Variants in CROCC2 observed in about 807,000 individuals in gnomAD.
CROCC2 encodes ciliary rootlet coiled-coil protein 2.
A neutral mutation model predicts 177.6 loss-of-function variants in CROCC2; 163 were observed. That is an observed-to-expected ratio of 0.92 (90% CI 0.81 to 1.05). CROCC2 has a LOEUF of 1.05. Among genes scored for constraint, CROCC2 ranks in the 50% least tolerant of loss-of-function variants. The probability of loss-of-function intolerance (pLI) is 0.00; values close to 1 mark genes in which losing one functional copy is unlikely to be tolerated. For synonymous variants in CROCC2, 904 were observed against 787.3 expected (o/e 1.15, Z -2.48); for missense variants, 1,929 against 1,797.8 (o/e 1.07, Z -1.32).
rs1441835196 is a variant in CROCC2 at position 240,975,768 on chromosome 2, T to C, written c.4402-7112T>C. Among the ~76,000 whole-genome samples, 5 of 141,588 alleles carry C rather than the reference T, an allele frequency of 3.5e-5. No homozygotes were observed. In the Admixed American group the frequency reaches 3.9e-4, roughly 11 times the overall value. The allele number at this position is 141,588 out of a possible 152,430, so 92.9% of individuals were successfully genotyped here. On this transcript the variant is annotated intron_variant, in intron 27 of 31. Coordinates refer to ENST00000690015, the MANE Select transcript of CROCC2 (RefSeq NM_001351305.2). ...TTTTGAGACAGAGTTTTGCTCTCGT[T>C]GCCCAGGCTGGAGTGCAGTGGCACG...
chr2:240,969,282 C>G (rs1249975934), intron 27 of CROCC2, among the ~76,000 whole-genome samples: 2 of 152,226 alleles, frequency 1.3e-5, no homozygotes, highest in Non-Finnish European at 2.9e-5. Flanking sequence ...AGCCCCGGAG[C>G]CTGGTGGCCC....
Position 240,963,735 on chromosome 2 carries a change from G to T in CROCC2, c.3267G>T (p.Leu1089=), listed in dbSNP as rs1440691757. 2 of 1,550,032 alleles carry T rather than the reference G, an allele frequency of 1.3e-6. No homozygotes were observed. The highest frequency in any genetic ancestry group is 2.0e-5 in the Admixed American group (1 of 50,984). The change falls in exon 21 of 32, where the codon CTG becomes CTT. Residue 1089 remains leucine, a synonymous_variant. Transcript: ENST00000690015. Reference sequence around the variant, plus strand: ...TACTGTTGCTTTTCAACAGCGAGCTGCGGGCCACCATCTGCAGGGCCGAAC... The same window carrying T: ...TACTGTTGCTTTTCAACAGCGAGCTTCGGGCCACCATCTGCAGGGCCGAAC... ...KDVLLLFNSE[L]RATICRAEQE...
chr2:240,942,123 A>G (rs2059498405), intron 14 of CROCC2, among the ~76,000 whole-genome samples: 1 of 152,242 alleles, frequency 6.6e-6, no homozygotes, highest in Admixed American at 6.5e-5. Context: ...TCTGTTCTTT[A>G]TAAATTACCC....
Position 240,958,873 on chromosome 2 carries a change from G to A in CROCC2, c.2944-428G>A, listed in dbSNP as rs1365051609. 4.6e-5 allele frequency among the ~76,000 whole-genome samples: 7 copies of A among 152,264 alleles called. No individual in the cohort carries two copies. The highest frequency in any genetic ancestry group is 3.4e-3 in the Middle Eastern group (1 of 294). The stretch of plus-strand genomic sequence containing the variant: ...GGCTGAGCCTGGGGCCTCCTGGCCC[G>A]AGGATCCCTGCTGGCCACACTGCCC... On this transcript the variant is annotated intron_variant, in intron 19 of 31. Coordinates refer to ENST00000690015, the MANE Select transcript of CROCC2 (RefSeq NM_001351305.2). The surrounding 1 kb of genome is among the most constrained non-coding windows in gnomAD (Gnocchi z 6.7).
intron 14 of CROCC2, among the ~76,000 whole-genome samples, chr2:240,943,679 C>T (rs908880179): frequency 6.6e-6 from 1 of 151,942 alleles, no homozygotes; most frequent in Non-Finnish European, 1.5e-5. Flanking sequence ...GGGGTTTCGC[C>T]ATGTTGGCCA....
intron 21 of CROCC2, 23 bp from the exon 22 acceptor site, chr2:240,964,443 C>G: frequency 6.5e-7 from 1 of 1,548,210 alleles, no homozygotes; most frequent in Middle Eastern, 2.3e-4. Flanking sequence ...TGCGGGGGCC[C>G]CAGCCTGTGG....
In CROCC2 at chr2:240,973,674, G is replaced by A. The variant is rs1443507024; in HGVS notation, c.4401+5412G>A. On this transcript the variant is annotated intron_variant, in intron 27 of 31. Coordinates refer to ENST00000690015, the MANE Select transcript of CROCC2 (RefSeq NM_001351305.2). The surrounding 1 kb of genome is among the most constrained non-coding windows in gnomAD (Gnocchi z 4.7). ...ACATATGCCCACAGCTAGCAGAGCA[G>A]CTTAGGGCCAGCGGGGCCCACAAGG... 6.6e-6 allele frequency among the ~76,000 whole-genome samples: 1 copy of A among 152,240 alleles called. No individual in the cohort carries two copies. The highest frequency in any genetic ancestry group is 2.4e-5 in the African/African-American group (1 of 41,450).
intron 5 of CROCC2, among the ~76,000 whole-genome samples, chr2:240,926,099 G>T (rs546511754): frequency 5.8e-4 from 89 of 152,322 alleles, no homozygotes; most frequent in African/African-American, 2.0e-3. Context: ...CCCCCACCCG[G>T]AGAAGGAGGG....
At chr2:240,980,201 G>T (rs1559190500) in intron 27 of CROCC2, among the ~76,000 whole-genome samples, 1 of 39,758 alleles carries the variant, frequency 2.5e-5, no homozygotes, top group Non-Finnish European at 4.0e-5. Context: ...CCCTGCTCAA[G>T]CTCTGGGGTA....
Position 240,906,349 on chromosome 2 carries a change from C to A in CROCC2, c.-165C>A. ...GCTCAGCTGGCCATACTGTCTTACC[C>A]ACAGGGCAAGAGCAACTGGGTGCCC... On this transcript the variant is annotated 5_prime_UTR_variant, in exon 1 of 32. Coordinates refer to ENST00000690015, the MANE Select transcript of CROCC2 (RefSeq NM_001351305.2). 2.5e-6 allele frequency: 1 copy of A among 396,986 alleles called. No homozygotes were observed. Among genetic ancestry groups the A allele is most frequent in the Non-Finnish European group, 4.4e-6 (1 of 225,418 alleles). The allele number at this position is 396,986 out of a possible 1,614,324, so 24.6% of individuals were successfully genotyped here.
intron 1 of CROCC2, among the ~76,000 whole-genome samples, chr2:240,909,843 G>C (rs2059276422): frequency 6.6e-6 from 1 of 152,134 alleles, no homozygotes; most frequent in Admixed American, 6.5e-5. Context: ...CAGATCAGCT[G>C]TCCAGATGGG....
At chr2:240,911,026 G>C (rs1281132870) in intron 1 of CROCC2, among the ~76,000 whole-genome samples, 1 of 152,100 alleles carries the variant, frequency 6.6e-6, no homozygotes, top group African/African-American at 2.4e-5. Flanking sequence ...AGCTACTCAG[G>C]AGGCTGAGGC....
intron 20 of CROCC2, among the ~76,000 whole-genome samples, chr2:240,962,830 G>T (rs775121544): frequency 2.0e-5 from 3 of 152,192 alleles, no homozygotes; most frequent in Non-Finnish European, 4.4e-5. Context: ...CCCCCAGAGC[G>T]TAGGTGCTGG....
Position 240,949,111 on chromosome 2 carries a change from G to A in CROCC2, c.2482+14G>A, listed in dbSNP as rs942216985. 16 of 1,506,748 alleles carry A rather than the reference G, an allele frequency of 1.1e-5. No individual in the cohort carries two copies. Among genetic ancestry groups the A allele is most frequent in the South Asian group, 3.9e-5 (3 of 76,640 alleles). 93.3% of individuals were successfully genotyped at this position (1,506,748 alleles called of 1,614,324 possible). A position where few individuals can be genotyped will look rare whatever the true frequency, so the allele number is the denominator to read the frequency against. On this transcript the variant is annotated intron_variant, in intron 16 of 31. Transcript: ENST00000690015. This position sits in a 1 kb window ranked among gnomAD's most constrained non-coding sequence, Gnocchi z 4.5. Reference sequence around the variant, plus strand: ...AGGCCTTGCAAGGTGCTCCAAGGGCGCTCCCTCAGCTCCTTCCCCGAAAGT... The same window carrying A: ...AGGCCTTGCAAGGTGCTCCAAGGGCACTCCCTCAGCTCCTTCCCCGAAAGT...
intron 19 of CROCC2, 92 bp from the exon 20 acceptor site, chr2:240,959,209 A>G: frequency 7.1e-7 from 1 of 1,404,830 alleles, no homozygotes; most frequent in African/African-American, 1.5e-5. Context: ...AGGCCACTGC[A>G]ACACCTCTCT....
At chr2:240,935,146 C>T (rs2059459899) in intron 13 of CROCC2, 84 bp downstream of exon 13, 1 of 1,303,626 alleles carries the variant, frequency 7.7e-7, no homozygotes, top group African/African-American at 1.5e-5. Context: ...GCCTTCTTTC[C>T]ATCCTCCCAG....
At position 240,972,259 on chromosome 2, in the gene CROCC2, C is replaced by T. The variant is rs555271313; in HGVS notation, c.4401+3997C>T. 1.3e-5 allele frequency among the ~76,000 whole-genome samples: 2 copies of T among 152,320 alleles called. No individual in the cohort carries two copies. The highest frequency in any genetic ancestry group is 1.9e-4 in the East Asian group (1 of 5,182). On this transcript the variant is annotated intron_variant, in intron 27 of 31. Coordinates refer to ENST00000690015, the MANE Select transcript of CROCC2 (RefSeq NM_001351305.2). This position sits in a 1 kb window ranked among gnomAD's most constrained non-coding sequence, Gnocchi z 7.1. ...CAAAAGAAAGGCAGAGAGAAGGGTT[C>T]CAAGATCCTGCAGCCACAGGGAGCC...
chr2:240,930,138 A>G, intron 5 of CROCC2, 28 bp from the exon 6 acceptor site: 1 of 539,954 alleles, frequency 1.9e-6, no homozygotes, highest in Non-Finnish European at 3.4e-6. Context: ...CCCCAGCCTG[A>G]AGTAGACAGG....
intron 1 of CROCC2, among the ~76,000 whole-genome samples, chr2:240,911,090 C>T (rs1307084243): frequency 6.6e-6 from 1 of 151,994 alleles, no homozygotes; most frequent in East Asian, 1.9e-4. Context: ...AAGATCGCAC[C>T]ACTGTACTCC....
Sources: gnomAD v4.1 joint callset for allele counts (sites outside exome capture counted in the v4.1 genomes callset) on GRCh38, gnomAD v4.1.1 for gene constraint, Gnocchi (gnomAD v3.1) non-coding constraint, MANE v1.5 for transcripts, NCBI Gene and HGNC (gene_info 2026-07-23, HGNC 2026-07-21) for gene names.